The following GNA12 variants were observed in gnomAD, a reference collection of about 807,000 sequenced individuals.
The protein encoded by GNA12 is G protein subunit alpha 12.
In GNA12, 9 loss-of-function variants were observed where a neutral mutation model predicts 26.0. The ratio of observed to expected loss-of-function variants is 0.35; its 90% confidence interval spans 0.21 to 0.60. The LOEUF is 0.60. Among genes scored for constraint, GNA12 ranks in the 20% least tolerant of loss-of-function variants. GNA12 has a pLI of 0.78. For synonymous variants in GNA12, 264 were observed against 219.6 expected, an observed-to-expected ratio of 1.20 and a Z score of -1.79; for missense variants, 405 against 525.8, an observed-to-expected ratio of 0.77 and a Z score of 2.25.
At chr7:2,804,091 T>C (rs1348689664) in intron 1 of GNA12, among the ~76,000 whole-genome samples, 2 of 152,202 alleles carry the variant, frequency 1.3e-5, no homozygotes, top group Admixed American at 6.5e-5. Flanking sequence ...AATCGTCCTC[T>C]TAAGTACAGA....
At chr7:2,746,624 C>G (rs1361870030) in intron 2 of GNA12, among the ~76,000 whole-genome samples, 2 of 152,112 alleles carry the variant, frequency 1.3e-5, no homozygotes, top group Non-Finnish European at 2.9e-5. Context: ...AAAGCAAGAA[C>G]AAACACATTC....
intron 2 of GNA12, among the ~76,000 whole-genome samples, chr7:2,787,389 C>T (rs897798185): frequency 1.3e-5 from 2 of 152,208 alleles, no homozygotes; most frequent in Non-Finnish European, 2.9e-5. Flanking sequence ...AGCCCTCAGG[C>T]GCCCCTCCAC....
intron 2 of GNA12, among the ~76,000 whole-genome samples, chr7:2,763,612 T>C (rs944664287): frequency 5.9e-5 from 9 of 152,230 alleles, no homozygotes; most frequent in African/African-American, 7.2e-5. Context: ...GTCTAAAATA[T>C]GCAGAAAGAG....
chr7:2,762,314 G>A (rs1319921226), intron 2 of GNA12: 2 of 300,272 alleles, frequency 6.7e-6, no homozygotes, highest in Non-Finnish European at 1.2e-5. Flanking sequence ...CACCACTCAC[G>A]CCAGGCGCTG....
chr7:2,760,904 G>A (rs1791522443), intron 2 of GNA12, among the ~76,000 whole-genome samples: 1 of 152,120 alleles, frequency 6.6e-6, no homozygotes, highest in Non-Finnish European at 1.5e-5. Context: ...TTCTTTGGTG[G>A]GGAGTGGGGG....
chr7:2,827,631 A>G (rs899159445), intron 1 of GNA12, among the ~76,000 whole-genome samples: 8 of 152,204 alleles, frequency 5.3e-5, no homozygotes, highest in African/African-American at 1.2e-4. Flanking sequence ...AGAGGACAGA[A>G]CAGGACTCCT....
At chr7:2,823,800 G>A (rs1453617628) in intron 1 of GNA12, among the ~76,000 whole-genome samples, 3 of 152,138 alleles carry the variant, frequency 2.0e-5, no homozygotes, top group African/African-American at 7.2e-5. Context: ...AAACTTCATA[G>A]AATAAAGATC....
chr7:2,774,183 C>A (rs1792017986), intron 2 of GNA12, among the ~76,000 whole-genome samples: 1 of 152,104 alleles, frequency 6.6e-6, no homozygotes, highest in Middle Eastern at 3.2e-3. Context: ...GCAGGTCACA[C>A]AATCTGCTCA....
At chr7:2,804,176 A>G (rs1461535569) in intron 1 of GNA12, among the ~76,000 whole-genome samples, 3 of 152,258 alleles carry the variant, frequency 2.0e-5, no homozygotes, top group Admixed American at 6.5e-5. Context: ...CACACTATCA[A>G]CAGGTAACAG....
Position 2,729,068 on chromosome 7 carries a change from C to A in GNA12, c.*2113G>T, listed in dbSNP as rs560734635. The A allele has an allele frequency of 2.6e-4, 40 of 152,506 alleles. No homozygotes were observed. The highest frequency in any genetic ancestry group is 9.6e-4 in the African/African-American group (40 of 41,594). The allele number at this position is 152,506 out of a possible 1,614,324, so 9.4% of individuals were successfully genotyped here. On this transcript the variant is annotated 3_prime_UTR_variant, in exon 4 of 4. Coordinates refer to ENST00000275364, the MANE Select transcript of GNA12 (RefSeq NM_007353.3). Reference sequence around the variant, plus strand: ...GAAAACAAGCACTCATTGACAAGGCCGGACTACTCAGGAAGGTGTTTCAAA... The same window carrying A: ...GAAAACAAGCACTCATTGACAAGGCAGGACTACTCAGGAAGGTGTTTCAAA...
At chr7:2,814,373 G>C (rs750102775) in intron 1 of GNA12, 9 of 1,595,994 alleles carry the variant, frequency 5.6e-6, no homozygotes. Flanking sequence ...GTTTCCATCT[G>C]GTGTGCTTCC....
At chr7:2,803,388 T>A (rs1283848245) in intron 1 of GNA12, among the ~76,000 whole-genome samples, 1 of 152,142 alleles carries the variant, frequency 6.6e-6, no homozygotes, top group African/African-American at 2.4e-5. Context: ...GCAGGTCCCG[T>A]GGCAGGTGGG....
intron 1 of GNA12, among the ~76,000 whole-genome samples, chr7:2,796,827 TTC>T (rs1792689109): frequency 6.6e-6 from 1 of 152,186 alleles, no homozygotes; most frequent in Non-Finnish European, 1.5e-5. Flanking sequence ...TTGGAAAATA[TTC>T]TCTCAGCAAA....
chr7:2,760,347 C>T (rs1230026891), intron 2 of GNA12: 1 of 152,406 alleles, frequency 6.6e-6, no homozygotes, highest in Non-Finnish European at 1.5e-5. Flanking sequence ...CTTACCAGTA[C>T]ACCAGGGGGA....
chr7:2,837,637 A>T (rs1000687551), intron 1 of GNA12, among the ~76,000 whole-genome samples: 6 of 152,240 alleles, frequency 3.9e-5, no homozygotes, highest in Non-Finnish European at 8.8e-5. Context: ...AAACGACAGT[A>T]GATTTCTCTT....
At chr7:2,800,142 T>C (rs1249344939) in intron 1 of GNA12, among the ~76,000 whole-genome samples, 1 of 152,244 alleles carries the variant, frequency 6.6e-6, no homozygotes. Flanking sequence ...CATGGACCAT[T>C]ACCCAGCAAC....
At chr7:2,766,604 C>G in intron 2 of GNA12, among the ~76,000 whole-genome samples, 1 of 152,072 alleles carries the variant, frequency 6.6e-6, no homozygotes, top group East Asian at 1.9e-4. Context: ...CAGGCTGGTC[C>G]TGAACTCCTG....
At chr7:2,805,427 A>G (rs1166137151) in intron 1 of GNA12, among the ~76,000 whole-genome samples, 3 of 152,198 alleles carry the variant, frequency 2.0e-5, no homozygotes, top group Non-Finnish European at 4.4e-5. Flanking sequence ...TTGTAGAGAC[A>G]GGGTCACACT....
chr7:2,758,897 C>A (rs915958870), intron 2 of GNA12, among the ~76,000 whole-genome samples: 2 of 152,094 alleles, frequency 1.3e-5, no homozygotes, highest in Admixed American at 6.5e-5. Flanking sequence ...ATAATCCCAG[C>A]GCTCTGGGAG....
Sources: gnomAD v4.1 joint callset for allele counts (sites outside exome capture counted in the v4.1 genomes callset) on GRCh38, gnomAD v4.1.1 for gene constraint, MANE v1.5 for transcripts, NCBI Gene and HGNC (gene_info 2026-07-23, HGNC 2026-07-21) for gene names.